The following DNAJC16 variants were observed in gnomAD, a reference collection of about 807,000 sequenced individuals.
DNAJC16 encodes the protein DnaJ heat shock protein family (Hsp40) member C16.
In DNAJC16, 76 loss-of-function variants were observed where a neutral mutation model predicts 92.7. The ratio of observed to expected loss-of-function variants is 0.82; its 90% confidence interval spans 0.68 to 0.99. DNAJC16 has a LOEUF of 0.99. Among genes scored for constraint, DNAJC16 ranks in the 50% least tolerant of loss-of-function variants. DNAJC16 has a pLI of 0.00. For missense variants in DNAJC16, 869 were observed against 942.4 expected, an observed-to-expected ratio of 0.92 and a Z score of 1.02; for synonymous variants, 328 against 358.7, an observed-to-expected ratio of 0.91 and a Z score of 0.97.
chr1:15,539,592 C>A (rs1344718831), intron 4 of DNAJC16, among the ~76,000 whole-genome samples: 1 of 151,634 alleles, frequency 6.6e-6, no homozygotes, highest in Non-Finnish European at 1.5e-5. Flanking sequence ...TCACCCAGGC[C>A]AGGGTGTAAT....
chr1:15,542,001 T>C (rs1196698758), intron 4 of DNAJC16, among the ~76,000 whole-genome samples: 1 of 152,172 alleles, frequency 6.6e-6, no homozygotes, highest in Non-Finnish European at 1.5e-5. Context: ...TTGAGGCGAC[T>C]CTTAGTGGGC....
chr1:15,549,124 A>C (rs113462328), intron 7 of DNAJC16, among the ~76,000 whole-genome samples: 39 of 152,292 alleles, frequency 2.6e-4, no homozygotes, highest in African/African-American at 9.1e-4. Flanking sequence ...GTCCACTCTA[A>C]TGGCAGCTCA....
At chr1:15,553,503 G>T (rs998452322) in intron 7 of DNAJC16, among the ~76,000 whole-genome samples, 15 of 152,032 alleles carry the variant, frequency 9.9e-5, no homozygotes, top group African/African-American at 3.6e-4. Context: ...CAAAGTGCTG[G>T]GATTACAGAC....
At position 15,534,227 on chromosome 1, in the gene DNAJC16, T is replaced by G; in HGVS notation, c.168-10T>G. 1 of 1,613,962 alleles carries G rather than the reference T, an allele frequency of 6.2e-7. No homozygotes were observed. The highest frequency in any genetic ancestry group is 8.5e-7 in the Non-Finnish European group (1 of 1,179,912). On this transcript the variant is annotated splice_polypyrimidine_tract_variant and intron_variant, in intron 2 of 14. Transcript: ENST00000375847. ...CATCCTTTCTCACCGCCTGCCTGTT[T>G]GTGTTTCAGGCATCCTGACAAAAAC... is the stretch of plus-strand genomic sequence containing the variant.
At position 15,568,811 on chromosome 1, in the gene DNAJC16, T is replaced by C; in HGVS notation, c.*634T>C. 2.5e-6 allele frequency: 1 copy of C among 398,052 alleles called. No homozygotes were observed. Among genetic ancestry groups the C allele is most frequent in the Non-Finnish European group, 4.4e-6 (1 of 225,960 alleles). 24.7% of individuals were successfully genotyped at this position (398,052 alleles called of 1,614,324 possible). A position where few individuals can be genotyped will look rare whatever the true frequency, so the allele number is the denominator to read the frequency against. On this transcript the variant is annotated 3_prime_UTR_variant, in exon 15 of 15. Transcript: ENST00000375847. ...GAAAGGAATAAACGGGAGTTCTGCA[T>C]GTGAGTTCTCAAGAAAAGGAAAGGG...
Position 15,562,112 on chromosome 1 carries a change from G to T in DNAJC16, c.1155-30G>T, listed in dbSNP as rs899223010. On this transcript the variant is annotated intron_variant, in intron 8 of 14. Coordinates refer to ENST00000375847, the MANE Select transcript of DNAJC16 (RefSeq NM_015291.4). ...GTGCTGGCCCTGCCATCAGGGATTGGTTATAAAGTTTTGTCTTTTTGTTGT... is the reference window on the plus strand; with the variant it reads ...GTGCTGGCCCTGCCATCAGGGATTGTTTATAAAGTTTTGTCTTTTTGTTGT... 2.5e-6 allele frequency: 4 copies of T among 1,602,242 alleles called. No homozygotes were observed. In the African/African-American group the frequency reaches 4.0e-5, roughly 16 times the overall value.
intron 2 of DNAJC16, among the ~76,000 whole-genome samples, chr1:15,529,557 T>A (rs1557566324): frequency 4.6e-5 from 7 of 152,098 alleles, no homozygotes. Flanking sequence ...GTTTTAATTT[T>A]AAAAAAATGT....
chr1:15,566,843 C>T (rs927206), intron 13 of DNAJC16, among the ~76,000 whole-genome samples: 42,165 of 151,986 alleles, frequency 0.28, 6,720 homozygotes, highest in African/African-American at 0.43. Flanking sequence ...ATGATCATGT[C>T]GCTGCACTCA....
chr1:15,560,232 G>A (rs1268140125), intron 8 of DNAJC16: 1 of 152,298 alleles, frequency 6.6e-6, no homozygotes, highest in Non-Finnish European at 1.5e-5. Flanking sequence ...CCTGAAGGAT[G>A]AGCACAGTTT....
intron 12 of DNAJC16, 28 bp downstream of exon 12, chr1:15,566,027 C>T (rs761386854): frequency 6.2e-7 from 1 of 1,613,008 alleles, no homozygotes; most frequent in Admixed American, 1.7e-5. Context: ...TCTCGGTGCA[C>T]CACCATGGTT....
intron 4 of DNAJC16, among the ~76,000 whole-genome samples, chr1:15,538,370 G>T (rs974668206): frequency 6.6e-6 from 1 of 151,888 alleles, no homozygotes; most frequent in East Asian, 1.9e-4. Context: ...ACTCCAGCCT[G>T]GGTGACAGAG....
rs148404423 is a variant in DNAJC16 at position 15,559,646 on chromosome 1, C to T, written c.1144C>T (p.Arg382Ter). Residue 382 changes from arginine to a stop codon, truncating the protein, a stop_gained, in exon 8 of 15, where the codon CGA becomes TGA. Coordinates refer to ENST00000375847, the MANE Select transcript of DNAJC16 (RefSeq NM_015291.4). LOFTEE classifies it high-confidence loss of function. ...ACTCTGCCCTGTGAAACGGTCGCATCGACAGAGGAAGTAAGGACTTAAGGC... is the reference window on the plus strand; with the variant it reads ...ACTCTGCCCTGTGAAACGGTCGCATTGACAGAGGAAGTAAGGACTTAAGGC... ...HELCPVKRSH[R>*]QRKYCVVLLT... 56 of 1,613,754 alleles carry T rather than the reference C, an allele frequency of 3.5e-5. No homozygotes were observed. Among genetic ancestry groups the T allele is most frequent in the South Asian group, 4.4e-5 (4 of 91,060 alleles).
intron 7 of DNAJC16, among the ~76,000 whole-genome samples, chr1:15,551,787 A>T (rs72645814): frequency 0.057 from 8,680 of 151,356 alleles, 472 homozygotes; most frequent in African/African-American, 0.15. Flanking sequence ...TTTTTAAAAA[A>T]TTTTTTTTGC....
chr1:15,527,637 A>G (rs928101815), intron 1 of DNAJC16, among the ~76,000 whole-genome samples: 1 of 152,182 alleles, frequency 6.6e-6, no homozygotes, highest in Non-Finnish European at 1.5e-5. Context: ...GTTTTCTAGG[A>G]TATAATAGGT....
At chr1:15,538,166 G>A (rs2103407294) in intron 4 of DNAJC16, among the ~76,000 whole-genome samples, 1 of 152,264 alleles carries the variant, frequency 6.6e-6, no homozygotes, top group South Asian at 2.1e-4. Flanking sequence ...GGAGGCTGAG[G>A]CAGGTGGATC....
At chr1:15,560,288 A>C (rs1337910699) in intron 8 of DNAJC16, 1 of 152,250 alleles carries the variant, frequency 6.6e-6, no homozygotes, top group African/African-American at 2.4e-5. Context: ...GAAGCACAGA[A>C]TATGGAAGAG....
chr1:15,536,722 C>T lies in DNAJC16; in HGVS notation c.482C>T (p.Pro161Leu), dbSNP rs755869317. 3.1e-6 allele frequency: 5 copies of T among 1,614,036 alleles called. No homozygotes were observed. The Admixed American group carries it at 6.7e-5, about 22-fold the overall frequency. Residue 161 changes from proline (P) to leucine (L), a missense_variant, in exon 4 of 15, where the codon CCC (proline) becomes CTC (leucine). Transcript: ENST00000375847. ...GTGGTTCCAGATAGCTTCAAGAAAC[C>T]CTACCTCATCAAGATCACCTCCGAT... is the stretch of plus-strand genomic sequence containing the variant. ...NEVVPDSFKKPYLIKITSDWC... is the reference protein window; with the variant it reads ...NEVVPDSFKKLYLIKITSDWC...
chr1:15,562,353 A>G (rs1638710613), intron 9 of DNAJC16, 28 bp downstream of exon 9: 1 of 1,589,886 alleles, frequency 6.3e-7, no homozygotes, highest in Non-Finnish European at 8.6e-7. Flanking sequence ...TCCTCATCCC[A>G]GGCTCTTCAT....
chr1:15,556,098 A>G (rs1445740663), intron 7 of DNAJC16, among the ~76,000 whole-genome samples: 1 of 150,562 alleles, frequency 6.6e-6, no homozygotes, highest in African/African-American at 2.4e-5. Flanking sequence ...GTTCAAGACC[A>G]GCCTGGGCAA....
Sources: gnomAD v4.1 joint callset for allele counts (sites outside exome capture counted in the v4.1 genomes callset) on GRCh38, gnomAD v4.1.1 for gene constraint, MANE v1.5 for transcripts, NCBI Gene and HGNC (gene_info 2026-07-23, HGNC 2026-07-21) for gene names.